DCHS2: variants seen among roughly 807,000 people sequenced by gnomAD.
The protein encoded by DCHS2 is protocadherin-23.
DCHS2 carries 142 observed loss-of-function variants against 182.4 expected under a neutral mutation model. The ratio of observed to expected loss-of-function variants is 0.78; its 90% CI spans 0.68 to 0.89. DCHS2 has a LOEUF of 0.89. Among genes scored for constraint, DCHS2 ranks in the 40% least tolerant of loss-of-function variants. The pLI is 0.00. For synonymous variants in DCHS2, 1,740 were observed against 1,663.3 expected (o/e 1.05, Z -1.12); for missense variants, 4,319 against 4,198.6 (o/e 1.03, Z -0.79).
At chr4:154,380,339 T>A (rs1712991071) in intron 1 of DCHS2, among the ~76,000 whole-genome samples, 1 of 152,168 alleles carries the variant, frequency 6.6e-6, no homozygotes, top group Non-Finnish European at 1.5e-5. Context: ...TCAGTTGGGC[T>A]GAAGCAGGAA....
At chr4:154,250,717 A>G (rs941550831) in intron 16 of DCHS2, among the ~76,000 whole-genome samples, 2 of 152,192 alleles carry the variant, frequency 1.3e-5, no homozygotes, top group Non-Finnish European at 2.9e-5. Context: ...CCATCCATGT[A>G]ACAGACTTTT....
At chr4:154,307,591 C>T (rs931790956) in intron 10 of DCHS2, among the ~76,000 whole-genome samples, 2 of 152,214 alleles carry the variant, frequency 1.3e-5, no homozygotes, top group Non-Finnish European at 2.9e-5. Context: ...ATTCCTCTAG[C>T]AACCTTGCAT....
At chr4:154,369,230 C>A (rs1228675937) in intron 2 of DCHS2, among the ~76,000 whole-genome samples, 1 of 152,102 alleles carries the variant, frequency 6.6e-6, no homozygotes, top group South Asian at 2.1e-4. Flanking sequence ...AGGTAGAGAA[C>A]TTCCTCAGAC....
intron 16 of DCHS2, among the ~76,000 whole-genome samples, chr4:154,244,839 A>G (rs965342535): frequency 2.0e-5 from 3 of 152,170 alleles, no homozygotes; most frequent in Non-Finnish European, 2.9e-5. Context: ...GTTAGTATGA[A>G]TGTCAGTCAG....
chr4:154,263,531 A>G (rs943306248), intron 14 of DCHS2, among the ~76,000 whole-genome samples: 1 of 152,040 alleles, frequency 6.6e-6, no homozygotes, highest in Non-Finnish European at 1.5e-5. Context: ...AAAGATTTCT[A>G]CCACAACCTT....
intron 14 of DCHS2, among the ~76,000 whole-genome samples, chr4:154,263,658 C>A (rs1733091426): frequency 7.1e-6 from 1 of 139,950 alleles, no homozygotes; most frequent in Admixed American, 7.3e-5. Flanking sequence ...CTAAAGGCTG[C>A]ATATATTCCA....
intron 1 of DCHS2, chr4:154,384,287 T>A (rs1305528018): frequency 1.3e-6 from 2 of 1,553,606 alleles, no homozygotes; most frequent in Non-Finnish European, 1.7e-6. Context: ...ACACAGCTAG[T>A]CATTGCCTCC....
At chr4:154,338,638 A>C (rs1728924916) in intron 3 of DCHS2, among the ~76,000 whole-genome samples, 1 of 152,348 alleles carries the variant, frequency 6.6e-6, no homozygotes, top group East Asian at 1.9e-4. Flanking sequence ...CACAGAAATA[A>C]ATCAAGAGGA....
chr4:154,327,598 G>T (rs1007090810), intron 7 of DCHS2, among the ~76,000 whole-genome samples: 7 of 152,102 alleles, frequency 4.6e-5, no homozygotes, highest in Admixed American at 3.3e-4. Context: ...GGGCCTGCAT[G>T]TTCCAACAGA....
chr4:154,490,680 G>C lies in DCHS2; in HGVS notation c.676C>G (p.Arg226Gly), dbSNP rs1386732024. The change falls in exon 1 of 20, where the codon CGG (arginine) becomes GGG (glycine). Residue 226 changes from arginine to glycine, a missense_variant. By Grantham distance (125) the Arg-to-Gly change is moderately radical. Coordinates refer to ENST00000357232, the MANE Select transcript of DCHS2 (RefSeq NM_001358235.2). The part of the protein sequence containing the change: ...PAGPFFQLRY[R>G]TPGPLPSPLL... ...GGTGACGGTAGTGGCCCCGGAGTCC[G>C]GTAGCGCAACTGGAAGAACGGGCCT... The C allele has an allele frequency of 1.3e-6, 2 of 1,551,592 alleles. No individual in the cohort carries two copies. Among genetic ancestry groups the C allele is most frequent in the East Asian group, 2.4e-5 (1 of 40,896 alleles).
chr4:154,246,770 A>G (rs982113020), intron 16 of DCHS2, among the ~76,000 whole-genome samples: 1 of 152,088 alleles, frequency 6.6e-6, no homozygotes, highest in African/African-American at 2.4e-5. Context: ...ATTTTTAATT[A>G]GAAAATAAAA....
chr4:154,311,978 T>A (rs1735685813), intron 10 of DCHS2, among the ~76,000 whole-genome samples: 1 of 151,866 alleles, frequency 6.6e-6, no homozygotes, highest in African/African-American at 2.4e-5. Context: ...TTTTGATATT[T>A]ATGCAAATAT....
chr4:154,258,367 CTTT>C (rs771510956), intron 15 of DCHS2, among the ~76,000 whole-genome samples: 3 of 58,848 alleles, frequency 5.1e-5, no homozygotes, highest in East Asian at 6.6e-4. Flanking sequence ...AAAAGAAAGG[CTTT>C]TTTTTTTTTT....
At chr4:154,399,681 G>A (rs1732077409) in intron 1 of DCHS2, among the ~76,000 whole-genome samples, 1 of 152,228 alleles carries the variant, frequency 6.6e-6, no homozygotes, top group Non-Finnish European at 1.5e-5. Flanking sequence ...AGCAGAGGGA[G>A]TTGGTGACAA....
intron 1 of DCHS2, among the ~76,000 whole-genome samples, chr4:154,439,759 A>G (rs1299375706): frequency 6.6e-6 from 1 of 152,234 alleles, no homozygotes; most frequent in African/African-American, 2.4e-5. Context: ...ATGTTAAGTA[A>G]CAAAATCCAG....
chr4:154,357,155 G>A, intron 3 of DCHS2: 2 of 1,049,834 alleles, frequency 1.9e-6, no homozygotes, highest in African/African-American at 1.6e-5. Context: ...TCATATAGGT[G>A]CTTTCATGGC....
chr4:154,245,580 G>A (rs1240631821), intron 16 of DCHS2, among the ~76,000 whole-genome samples: 1 of 151,920 alleles, frequency 6.6e-6, no homozygotes, highest in Non-Finnish European at 1.5e-5. Flanking sequence ...TCAGCCACCA[G>A]TAGAAATAAC....
rs778000742 is a variant in DCHS2 at position 154,235,732 on chromosome 4, C to CAGTGCAAGATGCAAACTTGGA, written c.8899_8919dup (p.Ser2967_Thr2973dup). On this transcript the variant is annotated inframe_insertion, in exon 20 of 20. Transcript: ENST00000357232. ...GAGGAGAAAGACACATTCACAAAAA[C>CAGTGCAAGATGCAAACTTGGA]AGTGCAAGATGCAAACTTGGAATCT... The CAGTGCAAGATGCAAACTTGGA allele has an allele frequency of 5.2e-5, 84 of 1,613,946 alleles. No homozygotes were observed. The highest frequency in any genetic ancestry group is 6.7e-5 in the African/African-American group (5 of 74,926).
At chr4:154,450,240 A>G (rs1489847611) in intron 1 of DCHS2, among the ~76,000 whole-genome samples, 1 of 152,180 alleles carries the variant, frequency 6.6e-6, no homozygotes. Context: ...TCCCAAAGTT[A>G]TAAGTGCCAA....
Sources: allele counts gnomAD v4.1 joint callset (sites outside exome capture counted in the v4.1 genomes callset), GRCh38; gene constraint gnomAD v4.1.1; transcripts MANE v1.5; gene names NCBI Gene and HGNC (gene_info 2026-07-23, HGNC 2026-07-21).